The following NSMCE1 variants were observed in gnomAD, a reference collection of about 807,000 sequenced individuals.
The protein encoded by NSMCE1 is NSE1 component of SMC5/6 complex.
Under a neutral mutation model 29.6 loss-of-function variants are expected in NSMCE1, and 18 were observed. The observed-to-expected ratio is 0.61, with a 90% CI of 0.42 to 0.90. The LOEUF (loss-of-function observed/expected upper bound fraction) is 0.90. Ranked by LOEUF, NSMCE1 falls within the 40% of genes least tolerant of loss-of-function variation. The pLI is 0.00. For synonymous variants in NSMCE1, 124 were observed against 133.4 expected (o/e 0.93, Z 0.49); for missense variants, 314 against 343.6 (o/e 0.91, Z 0.68).
At chr16:27,253,175 A>G (rs1273160605) in intron 2 of NSMCE1, among the ~76,000 whole-genome samples, 2 of 152,226 alleles carry the variant, frequency 1.3e-5, no homozygotes, top group Admixed American at 1.3e-4. Flanking sequence ...ATCATTCTAG[A>G]AAATTATCAA....
chr16:27,245,781 A>G (rs1470054482), intron 2 of NSMCE1, among the ~76,000 whole-genome samples: 2 of 152,180 alleles, frequency 1.3e-5, no homozygotes, highest in Non-Finnish European at 2.9e-5. Context: ...ATCTCCCTTG[A>G]TTAACTGAAA....
chr16:27,256,044 G>A (rs1373306574), intron 2 of NSMCE1, among the ~76,000 whole-genome samples: 1 of 152,172 alleles, frequency 6.6e-6, no homozygotes, highest in Non-Finnish European at 1.5e-5. Context: ...CAGGATGCCT[G>A]TGGACTAAGA....
At chr16:27,225,451 C>G (rs887822978) in intron 7 of NSMCE1, among the ~76,000 whole-genome samples, 1 of 152,240 alleles carries the variant, frequency 6.6e-6, no homozygotes, top group Admixed American at 6.5e-5. Context: ...GCTTTCACGT[C>G]CCCCTCCTGA....
At chr16:27,225,322 C>G (rs976351764) in intron 7 of NSMCE1, 86 bp from the exon 8 acceptor site, 1 of 804,838 alleles carries the variant, frequency 1.2e-6, no homozygotes, top group Admixed American at 2.0e-5. Context: ...GCTACGTCTC[C>G]TGTGCCAAGG....
chr16:27,252,071 G>A (rs576535283), intron 2 of NSMCE1, among the ~76,000 whole-genome samples: 2 of 152,324 alleles, frequency 1.3e-5, no homozygotes, highest in African/African-American at 4.8e-5. Flanking sequence ...ACTATCGCTT[G>A]TGGCAGAAGA....
At chr16:27,242,450 C>G (rs1243206650) in intron 2 of NSMCE1, among the ~76,000 whole-genome samples, 3 of 152,118 alleles carry the variant, frequency 2.0e-5, no homozygotes, top group African/African-American at 7.3e-5. Context: ...AATGACAGAG[C>G]ATAAAACTTA....
chr16:27,234,352 A>C, intron 3 of NSMCE1, 87 bp from the exon 4 acceptor site: 2 of 870,082 alleles, frequency 2.3e-6, no homozygotes, highest in Non-Finnish European at 3.9e-6. Flanking sequence ...CCCCTCCTCC[A>C]TCTCTGGCCA....
chr16:27,267,019 A>G (rs910948886), intron 1 of NSMCE1, among the ~76,000 whole-genome samples: 4 of 152,160 alleles, frequency 2.6e-5, no homozygotes, highest in African/African-American at 9.7e-5. Flanking sequence ...TAGCCAATTT[A>G]AGGCAGAATT....
chr16:27,266,165 G>C (rs953699844), intron 1 of NSMCE1, among the ~76,000 whole-genome samples: 2 of 152,024 alleles, frequency 1.3e-5, no homozygotes, highest in Non-Finnish European at 2.9e-5. Flanking sequence ...TTGAGGCCAG[G>C]AGTTTAAGAC....
intron 2 of NSMCE1, among the ~76,000 whole-genome samples, chr16:27,247,926 CAA>C (rs78525963): frequency 3.7e-5 from 4 of 107,668 alleles, no homozygotes; most frequent in African/African-American, 6.6e-5. Context: ...GACTCTGTCT[CAA>C]AAAAAAAAAA....
chr16:27,244,750 A>G (rs2083935430), intron 2 of NSMCE1, among the ~76,000 whole-genome samples: 1 of 152,174 alleles, frequency 6.6e-6, no homozygotes, highest in African/African-American at 2.4e-5. Context: ...TAGCACCCCA[A>G]ACTACCACAC....
chr16:27,251,199 T>TATATAAAA (rs2084030889), intron 2 of NSMCE1, among the ~76,000 whole-genome samples: 1 of 75,208 alleles, frequency 1.3e-5, no homozygotes, highest in African/African-American at 7.0e-5. Context: ...TAAATATATA[T>TATATAAAA]ATATATATAA....
intron 4 of NSMCE1, among the ~76,000 whole-genome samples, chr16:27,233,605 C>A (rs1197182178): frequency 6.6e-6 from 1 of 152,234 alleles, no homozygotes; most frequent in African/African-American, 2.4e-5. Context: ...TTCAACAGAT[C>A]GTGAGTGGGG....
chr16:27,262,027 G>C (rs2084163309), intron 1 of NSMCE1, among the ~76,000 whole-genome samples: 1 of 152,204 alleles, frequency 6.6e-6, no homozygotes. Flanking sequence ...CAGATCACCT[G>C]AGGTCAGGAG....
chr16:27,255,539 A>G (rs925592764), intron 2 of NSMCE1, among the ~76,000 whole-genome samples: 1 of 152,202 alleles, frequency 6.6e-6, no homozygotes, highest in Non-Finnish European at 1.5e-5. Flanking sequence ...ACACAGAATT[A>G]AACACAGTTC....
intron 1 of NSMCE1, among the ~76,000 whole-genome samples, chr16:27,266,838 C>T (rs960568268): frequency 6.6e-6 from 1 of 151,824 alleles, no homozygotes; most frequent in African/African-American, 2.4e-5. Flanking sequence ...AGAACAAAAA[C>T]TCCCTAAATT....
chr16:27,240,294 C>T (rs2083879202), intron 2 of NSMCE1, among the ~76,000 whole-genome samples: 1 of 152,210 alleles, frequency 6.6e-6, no homozygotes, highest in African/African-American at 2.4e-5. Flanking sequence ...GGCATCTGGG[C>T]ACCTGATTAG....
intron 1 of NSMCE1, among the ~76,000 whole-genome samples, chr16:27,262,399 T>A (rs964572542): frequency 6.6e-6 from 1 of 152,066 alleles, no homozygotes; most frequent in African/African-American, 2.4e-5. Context: ...AACAGGCACA[T>A]ACACCAATGG....
chr16:27,227,288 A>G (rs1397306200), intron 5 of NSMCE1, among the ~76,000 whole-genome samples: 1 of 152,124 alleles, frequency 6.6e-6, no homozygotes, highest in African/African-American at 2.4e-5. Flanking sequence ...GCCTCCCAGC[A>G]CTTCTGCCTC....
Sources: allele counts gnomAD v4.1 joint callset (sites outside exome capture counted in the v4.1 genomes callset), GRCh38; gene constraint gnomAD v4.1.1; transcripts MANE v1.5; gene names NCBI Gene and HGNC (gene_info 2026-07-23, HGNC 2026-07-21).